The following SV2C variants were observed in gnomAD, a reference collection of about 807,000 sequenced individuals.
SV2C encodes the protein solute carrier family 22 member B3.
SV2C carries 49 observed loss-of-function variants against 79.7 expected under a neutral mutation model. That is an observed-to-expected ratio of 0.61 (90% CI 0.49 to 0.78). SV2C has a LOEUF of 0.78. Ranked by LOEUF, SV2C falls within the 30% of genes least tolerant of loss-of-function variation. The probability of loss-of-function intolerance (pLI) is 0.00; values close to 1 mark genes in which losing one functional copy is unlikely to be tolerated. For missense variants in SV2C, 833 were observed against 912.9 expected (o/e 0.91, Z 1.13); for synonymous variants, 334 against 333.2 (o/e 1.00, Z -0.03).
chr5:76,190,663 G>A (rs1744071661), intron 2 of SV2C, among the ~76,000 whole-genome samples: 1 of 152,184 alleles, frequency 6.6e-6, no homozygotes, highest in African/African-American at 2.4e-5. Flanking sequence ...GTTTGGTCAA[G>A]GAGAGATTGT....
At chr5:75,849,887 C>T in the SV2C span, among the ~76,000 whole-genome samples, 2 of 152,058 alleles carry the variant, frequency 1.3e-5, no homozygotes, top group Admixed American at 1.3e-4. Flanking sequence ...TGCCTTTCCT[C>T]TTTTCTTCCT....
the SV2C span, among the ~76,000 whole-genome samples, chr5:76,001,367 G>A: frequency 7.2e-5 from 11 of 152,264 alleles, no homozygotes; most frequent in East Asian, 9.7e-4. Flanking sequence ...TTGGGAGGCC[G>A]GGGTGGGTGG....
the SV2C span, among the ~76,000 whole-genome samples, chr5:75,873,552 C>G: frequency 2.0e-5 from 3 of 151,912 alleles, no homozygotes; most frequent in Non-Finnish European, 2.9e-5. Flanking sequence ...TTTGAACAAG[C>G]CATTTTGCTT....
intron 2 of SV2C, among the ~76,000 whole-genome samples, chr5:76,144,823 AG>A (rs928404091): frequency 8.5e-6 from 1 of 118,048 alleles, no homozygotes; most frequent in Non-Finnish European, 1.9e-5. Context: ...GATTGATAGG[AG>A]GTTTTTTTTT....
chr5:75,987,100 A>G, the SV2C span, among the ~76,000 whole-genome samples: 1 of 151,938 alleles, frequency 6.6e-6, no homozygotes, highest in Non-Finnish European at 1.5e-5. Context: ...AAGGACAGGG[A>G]AAATCAATGC....
chr5:76,297,419 G>A (rs1326919285), intron 9 of SV2C, among the ~76,000 whole-genome samples: 2 of 152,138 alleles, frequency 1.3e-5, no homozygotes. Flanking sequence ...GTGGCCTGGG[G>A]ATGGATGGGA....
chr5:76,026,316 T>C, the SV2C span, among the ~76,000 whole-genome samples: 1 of 151,990 alleles, frequency 6.6e-6, no homozygotes, highest in Admixed American at 6.6e-5. Flanking sequence ...AAATGAAGAC[T>C]TTTTCTATGT....
At chr5:76,014,848 T>C in the SV2C span, among the ~76,000 whole-genome samples, 1 of 152,202 alleles carries the variant, frequency 6.6e-6, no homozygotes, top group African/African-American at 2.4e-5. Context: ...CTGATTGATG[T>C]AGAAATTTCC....
chr5:76,036,576 A>G, the SV2C span, among the ~76,000 whole-genome samples: 1 of 151,530 alleles, frequency 6.6e-6, no homozygotes, highest in Admixed American at 6.6e-5. Flanking sequence ...ATTGGCCCCC[A>G]CTCTCTTCTG....
intron 4 of SV2C, among the ~76,000 whole-genome samples, chr5:76,231,061 C>A (rs1344474261): frequency 6.6e-6 from 1 of 152,194 alleles, no homozygotes; most frequent in Non-Finnish European, 1.5e-5. Flanking sequence ...AGTGCAGGAA[C>A]CTGCAGGGTT....
intron 4 of SV2C, among the ~76,000 whole-genome samples, chr5:76,256,327 G>T (rs953720374): frequency 6.6e-6 from 1 of 152,186 alleles, no homozygotes; most frequent in African/African-American, 2.4e-5. Flanking sequence ...TGGCCCCCAG[G>T]TTTGACACTT....
chr5:75,904,193 A>G, the SV2C span, among the ~76,000 whole-genome samples: 4 of 152,098 alleles, frequency 2.6e-5, no homozygotes, highest in African/African-American at 9.6e-5. Context: ...TTTTTTCCTG[A>G]TTCAGGTGAT....
the SV2C span, chr5:75,921,300 C>G: frequency 4.1e-6 from 6 of 1,466,772 alleles, no homozygotes; most frequent in African/African-American, 7.0e-5. Context: ...TCAAAAGGCT[C>G]CACGAGCTGC....
At chr5:76,035,139 T>A in the SV2C span, among the ~76,000 whole-genome samples, 1 of 152,204 alleles carries the variant, frequency 6.6e-6, no homozygotes, top group Non-Finnish European at 1.5e-5. Context: ...CTTCTCTTTT[T>A]TTTTCTTTAT....
intron 1 of SV2C, among the ~76,000 whole-genome samples, chr5:76,112,198 A>ATGTTGTT (rs1177722874): frequency 1.3e-5 from 2 of 152,206 alleles, no homozygotes; most frequent in African/African-American, 4.8e-5. Context: ...AATATGTTGT[A>ATGTTGTT]TGTTGTCAGA....
At chr5:75,985,274 C>A in the SV2C span, among the ~76,000 whole-genome samples, 16 of 152,070 alleles carry the variant, frequency 1.1e-4, no homozygotes, top group South Asian at 2.1e-4. Context: ...AGAGGGAGGG[C>A]ATTAATCTAT....
chr5:76,158,506 A>G (rs1394164986), intron 2 of SV2C, among the ~76,000 whole-genome samples: 3 of 151,996 alleles, frequency 2.0e-5, no homozygotes, highest in Non-Finnish European at 4.4e-5. Flanking sequence ...TATAACAATT[A>G]TAGACATATA....
the SV2C span, among the ~76,000 whole-genome samples, chr5:75,988,058 C>T: frequency 1.3e-5 from 2 of 151,960 alleles, no homozygotes; most frequent in Non-Finnish European, 2.9e-5. Flanking sequence ...AGAGTAGGCA[C>T]ACATTAAATG....
the SV2C span, among the ~76,000 whole-genome samples, chr5:76,061,334 A>C: frequency 1.3e-5 from 2 of 150,716 alleles, no homozygotes; most frequent in Admixed American, 1.3e-4. Flanking sequence ...AGTGCAATTT[A>C]AGAAACAAAG....
Sources: allele counts gnomAD v4.1 joint callset (sites outside exome capture counted in the v4.1 genomes callset), GRCh38; gene constraint gnomAD v4.1.1; transcripts MANE v1.5; gene names NCBI Gene and HGNC (gene_info 2026-07-23, HGNC 2026-07-21).